Variants in DTX4 observed in about 807,000 individuals in gnomAD.
DTX4 encodes deltex E3 ubiquitin ligase 4.
DTX4 carries 28 observed loss-of-function variants against 57.6 expected under a neutral mutation model. The observed-to-expected ratio is 0.49, with a 90% CI of 0.36 to 0.67. The LOEUF (loss-of-function observed/expected upper bound fraction) is 0.67, where lower values mean the gene tolerates loss of function less well. DTX4 is among the 30% of genes least tolerant of loss of function. DTX4 has a pLI of 0.00. For synonymous variants in DTX4, 316 were observed against 331.0 expected, an observed-to-expected ratio of 0.95 and a Z score of 0.49; for missense variants, 715 against 836.8, an observed-to-expected ratio of 0.85 and a Z score of 1.80.
At chr11:59,201,495 C>T (rs949941708) in intron 8 of DTX4, among the ~76,000 whole-genome samples, 3 of 152,208 alleles carry the variant, frequency 2.0e-5, no homozygotes, top group Non-Finnish European at 4.4e-5. Context: ...ATGCTTGTTA[C>T]TTCCACTCAC....
Position 59,192,167 on chromosome 11 carries a change from C to A in DTX4, c.1291C>A (p.Pro431Thr). Residue 431 changes from proline (P) to threonine (T), a missense_variant, in exon 6 of 9, where the codon CCT becomes ACT. Coordinates refer to ENST00000227451, the MANE Select transcript of DTX4 (RefSeq NM_015177.2). The stretch of plus-strand genomic sequence containing the variant: ...CAAGGGCCCGCAGCCTACGGTAAAA[C>A]CTGACCTGGTAGGGAAGCTGTCCAG... ...GYKGPQPTVKPDLVGKLSRCG... is the reference protein window; with the variant it reads ...GYKGPQPTVKTDLVGKLSRCG... The A allele has an allele frequency of 7.4e-6, 12 of 1,613,976 alleles. No individual in the cohort carries two copies. Among genetic ancestry groups the A allele is most frequent in the Non-Finnish European group, 1.0e-5 (12 of 1,179,880 alleles).
chr11:59,190,298 C>T (rs961014345), intron 4 of DTX4, among the ~76,000 whole-genome samples: 5 of 152,146 alleles, frequency 3.3e-5, no homozygotes, highest in African/African-American at 1.2e-4. Flanking sequence ...TAGTGCATAT[C>T]GGGCCCTTAT....
chr11:59,188,921 G>T lies in DTX4; in HGVS notation c.997+125G>T, dbSNP rs143008091. On this transcript the variant is annotated intron_variant, in intron 3 of 8. Coordinates refer to ENST00000227451, the MANE Select transcript of DTX4 (RefSeq NM_015177.2). ...TAATGAAAGCAAATGGTGATTTTAGGAATTGCATGGGAAGGGTATGAAGAG... is the reference window on the plus strand; with the variant it reads ...TAATGAAAGCAAATGGTGATTTTAGTAATTGCATGGGAAGGGTATGAAGAG... The T allele has an allele frequency of 9.7e-6, 10 of 1,029,812 alleles. No individual in the cohort carries two copies. In the African/African-American group the frequency reaches 1.3e-4, roughly 13 times the overall value. The allele number at this position is 1,029,812 out of a possible 1,614,324, so 63.8% of individuals were successfully genotyped here.
chr11:59,191,080 C>T (rs377360367), intron 4 of DTX4, 34 bp from the exon 5 acceptor site: 234 of 1,554,996 alleles, frequency 1.5e-4, no homozygotes, highest in Non-Finnish European at 1.9e-4. Context: ...CTTACCTCTG[C>T]CTTGGTGGCC....
At chr11:59,196,398 G>T (rs1862670422) in intron 7 of DTX4, among the ~76,000 whole-genome samples, 1 of 152,272 alleles carries the variant, frequency 6.6e-6, no homozygotes, top group South Asian at 2.1e-4. Context: ...ATAATTCATA[G>T]TTCTTCCTGG....
In DTX4 at chr11:59,208,482, A is replaced by C. The variant is rs1208643108; in HGVS notation, c.*3573A>C. On this transcript the variant is annotated 3_prime_UTR_variant, in exon 9 of 9. Transcript: ENST00000227451. ...AGGTCTCTTTGCCTGGCTGCAATAT[A>C]GTGTGTGTTTAAATTATTTACAGGC... 6.6e-6 allele frequency: 1 copy of C among 152,240 alleles called. No homozygotes were observed. The highest frequency in any genetic ancestry group is 2.4e-5 in the African/African-American group (1 of 41,468). The allele number at this position is 152,240 out of a possible 1,614,324, so 9.4% of individuals were successfully genotyped here.
At chr11:59,201,919 T>G (rs1330116398) in intron 8 of DTX4, among the ~76,000 whole-genome samples, 1 of 152,212 alleles carries the variant, frequency 6.6e-6, no homozygotes, top group Non-Finnish European at 1.5e-5. Context: ...ACATTAACCT[T>G]CTTGGACTCC....
rs1306968780 is a variant in DTX4 at position 59,195,336 on chromosome 11, C to A, written c.1503C>A (p.Ile501=). Residue 501 remains isoleucine, a synonymous_variant, in exon 7 of 9, where the codon ATC becomes ATA. Transcript: ENST00000227451. ...CTGGCCACCCAGACTGCAAAACCAT[C>A]CGGATCATCTACAGCATCCCCCCCG... ...SLPGHPDCKT[I]RIIYSIPPGI... 3.7e-6 allele frequency: 6 copies of A among 1,613,720 alleles called. No individual in the cohort carries two copies. The highest frequency in any genetic ancestry group is 5.1e-6 in the Non-Finnish European group (6 of 1,179,730).
intron 6 of DTX4, among the ~76,000 whole-genome samples, chr11:59,193,447 G>A (rs1404353937): frequency 1.3e-5 from 2 of 152,018 alleles, no homozygotes; most frequent in Admixed American, 6.6e-5. Context: ...CATTGATGGG[G>A]GATGCAAATC....
intron 8 of DTX4, among the ~76,000 whole-genome samples, chr11:59,202,829 A>G (rs998988583): frequency 2.6e-5 from 4 of 152,340 alleles, no homozygotes; most frequent in Admixed American, 1.3e-4. Context: ...CAGCTTCATC[A>G]TCATACAAAC....
rs771899968 is a variant in DTX4 at position 59,181,727 on chromosome 11, C to G, written c.212-12C>G. ...TGCTGACTCTGACCTCTCCCCTATC[C>G]CACCCTGGCAGGAACTCTCCGCCCA... On this transcript the variant is annotated splice_polypyrimidine_tract_variant and intron_variant, in intron 1 of 8. Coordinates refer to ENST00000227451, the MANE Select transcript of DTX4 (RefSeq NM_015177.2). 4 of 1,583,064 alleles carry G rather than the reference C, an allele frequency of 2.5e-6. No individual in the cohort carries two copies. The highest frequency in any genetic ancestry group is 3.4e-6 in the Non-Finnish European group (4 of 1,161,302).
rs373927180 is a variant in DTX4, at chr11:59,189,563, A to G, written c.1159+240A>G. 1.1e-3 allele frequency among the ~76,000 whole-genome samples: 172 copies of G among 152,382 alleles called. 1 individual carries two copies. In the South Asian group the frequency reaches 0.029, roughly 26 times the overall value. ...TGCAAAAGTATAGAAACATAAAAAT[A>G]TAAGGCGTGGTACAAAGAAAATATG... On this transcript the variant is annotated intron_variant, in intron 4 of 8. Coordinates refer to ENST00000227451, the MANE Select transcript of DTX4 (RefSeq NM_015177.2).
chr11:59,178,710 G>A (rs1427748954), intron 1 of DTX4, among the ~76,000 whole-genome samples: 1 of 152,224 alleles, frequency 6.6e-6, no homozygotes, highest in Admixed American at 6.5e-5. Context: ...AAGCTACACA[G>A]CTCAGGCTTC....
intron 6 of DTX4, among the ~76,000 whole-genome samples, chr11:59,192,843 T>G (rs1862616976): frequency 6.6e-6 from 1 of 152,198 alleles, no homozygotes; most frequent in Admixed American, 6.5e-5. Context: ...ATGCTTGTCT[T>G]GTCTATTATC....
At chr11:59,191,311 C>A in intron 5 of DTX4, 136 bp downstream of exon 5, 1 of 840,678 alleles carries the variant, frequency 1.2e-6, no homozygotes, top group Non-Finnish European at 1.8e-6. Flanking sequence ...TCAGAACTGA[C>A]ACTGAGGGTT....
At chr11:59,178,272 T>A (rs1302059497) in intron 1 of DTX4, among the ~76,000 whole-genome samples, 1 of 151,064 alleles carries the variant, frequency 6.6e-6, no homozygotes, top group Non-Finnish European at 1.5e-5. Context: ...TGTTGGTGGG[T>A]AGGGGGGATT....
Position 59,205,944 on chromosome 11 carries a change from C to T in DTX4, c.*1035C>T, listed in dbSNP as rs985236905. 1 of 152,598 alleles carries T rather than the reference C, an allele frequency of 6.6e-6. No individual in the cohort carries two copies. Among genetic ancestry groups the T allele is most frequent in the Non-Finnish European group, 1.5e-5 (1 of 68,122 alleles). 9.5% of individuals were successfully genotyped at this position (152,598 alleles called of 1,614,324 possible). A position where few individuals can be genotyped will look rare whatever the true frequency, so the allele number is the denominator to read the frequency against. ...GCCAAACCCCAGTTCTGATGGGGCT[C>T]CAACAGCCAGGCTGTGGTCCTTTGA... On this transcript the variant is annotated 3_prime_UTR_variant, in exon 9 of 9. Coordinates refer to ENST00000227451, the MANE Select transcript of DTX4 (RefSeq NM_015177.2).
At chr11:59,175,242 C>G (rs978311426) in intron 1 of DTX4, among the ~76,000 whole-genome samples, 3 of 152,186 alleles carry the variant, frequency 2.0e-5, no homozygotes, top group Non-Finnish European at 2.9e-5. Flanking sequence ...CAGAAACATC[C>G]CCATAAACAA....
At chr11:59,202,503 T>TGCC (rs1862751836) in intron 8 of DTX4, among the ~76,000 whole-genome samples, 2 of 152,378 alleles carry the variant, frequency 1.3e-5, no homozygotes, top group Admixed American at 1.3e-4. Context: ...TGGGTTTATA[T>TGCC]TTGTTTACTA....
Sources: allele counts gnomAD v4.1 joint callset (sites outside exome capture counted in the v4.1 genomes callset), GRCh38; gene constraint gnomAD v4.1.1; transcripts MANE v1.5; gene names NCBI Gene and HGNC (gene_info 2026-07-23, HGNC 2026-07-21).